The following TGM6 variants were observed in gnomAD, a reference collection of about 807,000 sequenced individuals.
TGM6 encodes transglutaminase 6.
A neutral mutation model predicts 77.5 loss-of-function variants in TGM6; 74 were observed. The observed-to-expected ratio is 0.96, with a 90% CI of 0.79 to 1.16. TGM6 has a LOEUF of 1.16. TGM6 is among the 50% of genes most tolerant of loss of function. The pLI is 0.00. For synonymous variants in TGM6, 383 were observed against 378.9 expected (o/e 1.01, Z -0.12); for missense variants, 968 against 940.2 (o/e 1.03, Z -0.39).
intron 4 of TGM6, among the ~76,000 whole-genome samples, 199 bp downstream of exon 4, chr20:2,396,823 T>C (rs1409230753): frequency 6.6e-6 from 1 of 152,136 alleles, no homozygotes; most frequent in Non-Finnish European, 1.5e-5. Flanking sequence ...GGAGGTGCTT[T>C]GGACAAGGTT....
chr20:2,418,556 T>C (rs968589347), intron 10 of TGM6, among the ~76,000 whole-genome samples: 1 of 152,008 alleles, frequency 6.6e-6, no homozygotes, highest in Non-Finnish European at 1.5e-5. Flanking sequence ...AAAGCCAGGG[T>C]TCAAAGCCAG....
At chr20:2,427,373 T>C (rs923735542) in intron 10 of TGM6, among the ~76,000 whole-genome samples, 2 of 152,222 alleles carry the variant, frequency 1.3e-5, no homozygotes, top group African/African-American at 4.8e-5. Context: ...GTCCATGGAA[T>C]CTGTAGAGAT....
chr20:2,399,604 A>T lies in TGM6; in HGVS notation c.716A>T (p.Gln239Leu). 2.5e-6 allele frequency: 4 copies of T among 1,613,530 alleles called. No homozygotes were observed. The highest frequency in any genetic ancestry group is 3.4e-6 in the Non-Finnish European group (4 of 1,179,974). The change falls in exon 6 of 13, where the codon CAG (glutamine) becomes CTG (leucine). Residue 239 changes from glutamine (Q) to leucine (L), a missense_variant. Transcript: ENST00000202625. ...CGAGGTGTGGTGCAAGGACAGTGGC[A>T]GGGCAAGTACGGCGGCGGCACCAGC... ...NDRGVVQGQWQGKYGGGTSPL... is the reference protein window; with the variant it reads ...NDRGVVQGQWLGKYGGGTSPL...
chr20:2,417,536 G>C lies in TGM6; in HGVS notation c.1641G>C (p.Leu547=), dbSNP rs766556092. Residue 547 remains leucine, a synonymous_variant, in exon 10 of 13, where the codon CTG becomes CTC. Transcript: ENST00000202625. The part of the protein sequence containing the change: ...LYTRKPVAEI[L]HESHAVRLGP... Reference sequence around the variant, plus strand: ...CCCGCAAGCCAGTGGCAGAGATCCTGCATGAATCCCACGCCGTGAGGCTGG... The same window carrying C: ...CCCGCAAGCCAGTGGCAGAGATCCTCCATGAATCCCACGCCGTGAGGCTGG... 6.2e-7 allele frequency: 1 copy of C among 1,605,570 alleles called. No homozygotes were observed. Among genetic ancestry groups the C allele is most frequent in the Non-Finnish European group, 8.5e-7 (1 of 1,179,934 alleles).
chr20:2,429,913 G>A (rs2084913169), intron 10 of TGM6, among the ~76,000 whole-genome samples: 1 of 152,218 alleles, frequency 6.6e-6, no homozygotes, highest in South Asian at 2.1e-4. Flanking sequence ...GGGAGGAGGT[G>A]TCAGTGAAGA....
At chr20:2,411,619 T>G (rs1366126458) in intron 9 of TGM6, among the ~76,000 whole-genome samples, 1 of 152,194 alleles carries the variant, frequency 6.6e-6, no homozygotes, top group Non-Finnish European at 1.5e-5. Context: ...GTCATGTTGA[T>G]TCGTCATTTT....
At chr20:2,428,794 C>A (rs2084905568) in intron 10 of TGM6, among the ~76,000 whole-genome samples, 1 of 151,938 alleles carries the variant, frequency 6.6e-6, no homozygotes, top group Non-Finnish European at 1.5e-5. Context: ...ACACTTTAAT[C>A]CCTTAGTAAA....
intron 10 of TGM6, among the ~76,000 whole-genome samples, chr20:2,419,129 C>T (rs1052919423): frequency 9.9e-5 from 15 of 152,096 alleles, no homozygotes; most frequent in Admixed American, 2.6e-4. Context: ...GTCTTTTTGC[C>T]GGTATCTCCC....
At chr20:2,432,071 C>T (rs1364812543) in intron 12 of TGM6, among the ~76,000 whole-genome samples, 1 of 152,124 alleles carries the variant, frequency 6.6e-6, no homozygotes, top group African/African-American at 2.4e-5. Context: ...GTTTTTGAGA[C>T]AGAGTCTCAC....
At chr20:2,405,039 T>G (rs1366985653) in intron 9 of TGM6, among the ~76,000 whole-genome samples, 1 of 152,246 alleles carries the variant, frequency 6.6e-6, no homozygotes, top group Non-Finnish European at 1.5e-5. Context: ...CAATTTGGGC[T>G]GTGCTCAGCT....
At chr20:2,420,119 C>T (rs1362184731) in intron 10 of TGM6, among the ~76,000 whole-genome samples, 1 of 152,126 alleles carries the variant, frequency 6.6e-6, no homozygotes, top group Non-Finnish European at 1.5e-5. Flanking sequence ...GCGGCATGCG[C>T]CTGTAGTCCC....
rs1278972655 is a variant in TGM6 at position 2,389,618 on chromosome 20, C to T, written c.8-4834C>T. 2.6e-5 allele frequency among the ~76,000 whole-genome samples: 4 copies of T among 152,114 alleles called. No individual in the cohort carries two copies. In the South Asian group the frequency reaches 6.2e-4, roughly 24 times the overall value. On this transcript the variant is annotated intron_variant, in intron 1 of 12. Coordinates refer to ENST00000202625, the MANE Select transcript of TGM6 (RefSeq NM_198994.3). ...AAATTGAATTGACACATCTTACCTACCTCTATACTCCACTTTTTAAAAAAT... is the reference window on the plus strand; with the variant it reads ...AAATTGAATTGACACATCTTACCTATCTCTATACTCCACTTTTTAAAAAAT...
intron 1 of TGM6, among the ~76,000 whole-genome samples, chr20:2,381,255 G>A (rs1024364592): frequency 6.6e-6 from 1 of 152,192 alleles, no homozygotes; most frequent in Non-Finnish European, 1.5e-5. Flanking sequence ...GAAGGAGGCA[G>A]GCACAGGAAG....
At chr20:2,396,116 G>T (rs919135676) in intron 3 of TGM6, among the ~76,000 whole-genome samples, 3 of 151,724 alleles carry the variant, frequency 2.0e-5, no homozygotes, top group South Asian at 4.2e-4. Flanking sequence ...GGAGGTGGAG[G>T]TTGCAGTGAG....
At chr20:2,400,538 G>T in intron 7 of TGM6, 94 bp downstream of exon 7, 1 of 1,562,662 alleles carries the variant, frequency 6.4e-7, no homozygotes, top group Admixed American at 1.7e-5. Context: ...GGAGCGGCAG[G>T]CCCAGAGCCC....
chr20:2,400,913 C>A (rs138394468), intron 7 of TGM6, among the ~76,000 whole-genome samples: 168 of 152,282 alleles, frequency 1.1e-3, no homozygotes, highest in African/African-American at 4.0e-3. Flanking sequence ...GTGGCTCACA[C>A]CTGTAATCCC....
chr20:2,393,725 A>G lies in TGM6; in HGVS notation c.8-727A>G, dbSNP rs540505739. ...ATTATAGTAGAGATGAGGTTTCACC[A>G]TGTTGGCCCCAGGGTGGTCTCGAGC... On this transcript the variant is annotated intron_variant, in intron 1 of 12. Transcript: ENST00000202625. 4.1e-4 allele frequency among the ~76,000 whole-genome samples: 63 copies of G among 152,048 alleles called. 1 individual carries two copies. Among genetic ancestry groups the G allele is most frequent in the Middle Eastern group, 3.4e-3 (1 of 294 alleles).
rs143093265 is a variant in TGM6, at chr20:2,389,927, C to T, written c.8-4525C>T. On this transcript the variant is annotated intron_variant, in intron 1 of 12. Transcript: ENST00000202625. ...ATGAATAACGGCTGCTTCTTTACTACTTATGACACTAGCCTCAATTCATTC... is the reference window on the plus strand; with the variant it reads ...ATGAATAACGGCTGCTTCTTTACTATTTATGACACTAGCCTCAATTCATTC... 4.0e-3 allele frequency among the ~76,000 whole-genome samples: 616 copies of T among 152,288 alleles called. 4 individuals are homozygous for T. Among genetic ancestry groups the T allele is most frequent in the African/African-American group, 0.014 (588 of 41,540 alleles).
chr20:2,394,723 T>TG, intron 2 of TGM6, 98 bp downstream of exon 2: 2 of 1,360,156 alleles, frequency 1.5e-6, no homozygotes, highest in Non-Finnish European at 2.0e-6. Flanking sequence ...GCTCAGGCTC[T>TG]GGGGGAAGCA....
Sources: allele counts gnomAD v4.1 joint callset (sites outside exome capture counted in the v4.1 genomes callset), GRCh38; gene constraint gnomAD v4.1.1; transcripts MANE v1.5; gene names NCBI Gene and HGNC (gene_info 2026-07-23, HGNC 2026-07-21).